The following HEPACAM2 variants were observed in gnomAD, a reference collection of about 807,000 sequenced individuals.
HEPACAM2 encodes the protein mitotic kinetics regulator.
HEPACAM2 carries 49 observed loss-of-function variants against 49.6 expected under a neutral mutation model. That is an observed-to-expected ratio of 0.99 (90% confidence interval 0.78 to 1.25). The LOEUF (loss-of-function observed/expected upper bound fraction) is 1.25, where lower values mean the gene tolerates loss of function less well. Ranked by LOEUF, HEPACAM2 falls within the 50% of genes most tolerant of loss-of-function variation. The pLI is 0.00. For missense variants in HEPACAM2, 525 were observed against 557.2 expected (o/e 0.94, Z 0.58); for synonymous variants, 197 against 202.9 (o/e 0.97, Z 0.25).
rs1480736630 is a variant in HEPACAM2, at chr7:93,197,278, C to T, written c.1164G>A (p.Arg388=). The T allele has an allele frequency of 5.0e-6, 8 of 1,610,324 alleles. No homozygotes were observed. In the African/African-American group the frequency reaches 9.4e-5, roughly 19 times the overall value. Residue 388 remains arginine (R), a splice_region_variant and synonymous_variant, in exon 7 of 10, where the codon AGG becomes AGA. Transcript: ENST00000394468. ...YKVIKQKLEG[R]PETEYRKAQT... ...GAGCTTTCCTGTATTCTGTTTCTGG[C>T]CTGAAAAGACAAAATAGGTATTTTT...
At chr7:93,206,674 C>T (rs1794037525) in intron 4 of HEPACAM2, among the ~76,000 whole-genome samples, 1 of 151,918 alleles carries the variant, frequency 6.6e-6, no homozygotes, top group African/African-American at 2.4e-5. Flanking sequence ...GTGTTAAGCA[C>T]ATTGTGTTAA....
chr7:93,220,320 G>A (rs1794423113), intron 1 of HEPACAM2, among the ~76,000 whole-genome samples: 1 of 152,182 alleles, frequency 6.6e-6, no homozygotes, highest in African/African-American at 2.4e-5. Flanking sequence ...TGACTGCAAT[G>A]TAATAGGCCA....
At position 93,197,402 on chromosome 7, in the gene HEPACAM2, A is replaced by C. The variant is rs745553716; in HGVS notation, c.1139-5T>G. 13 of 1,594,338 alleles carry C rather than the reference A, an allele frequency of 8.2e-6. No individual in the cohort carries two copies. Among genetic ancestry groups the C allele is most frequent in the Non-Finnish European group, 1.0e-5 (12 of 1,171,144 alleles). On this transcript the variant is annotated splice_polypyrimidine_tract_variant and splice_region_variant and intron_variant, in intron 5 of 9. Coordinates refer to ENST00000394468, the MANE Select transcript of HEPACAM2 (RefSeq NM_001039372.4). ...CTTCTAGTTTCTGTTTTATAACTAAAATCAAGAGAGAAGAAAAATGGTAAG... is the reference window on the plus strand; with the variant it reads ...CTTCTAGTTTCTGTTTTATAACTAACATCAAGAGAGAAGAAAAATGGTAAG...
intron 4 of HEPACAM2, among the ~76,000 whole-genome samples, chr7:93,208,268 A>G (rs1185341704): frequency 6.6e-6 from 1 of 152,048 alleles, no homozygotes; most frequent in East Asian, 1.9e-4. Flanking sequence ...CTAAATGAAC[A>G]GCCTGTTTCT....
intron 1 of HEPACAM2, chr7:93,225,952 C>A: frequency 7.5e-7 from 1 of 1,338,182 alleles, no homozygotes; most frequent in Non-Finnish European, 1.0e-6. Context: ...GCAACAATAT[C>A]TTTAATTAAA....
At chr7:93,198,701 G>T (rs1022609845) in intron 4 of HEPACAM2, among the ~76,000 whole-genome samples, 1 of 152,064 alleles carries the variant, frequency 6.6e-6, no homozygotes, top group Non-Finnish European at 1.5e-5. Flanking sequence ...AAAGTCATGT[G>T]ATGCCATTTC....
intron 1 of HEPACAM2, chr7:93,226,048 T>C (rs1222596061): frequency 5.2e-6 from 3 of 578,350 alleles, no homozygotes; most frequent in Non-Finnish European, 8.9e-6. Flanking sequence ...CTGAAATAAA[T>C]GCATTAAAGA....
chr7:93,222,374 G>GT (rs2116725830), intron 1 of HEPACAM2, among the ~76,000 whole-genome samples: 1 of 152,124 alleles, frequency 6.6e-6, no homozygotes, highest in South Asian at 2.1e-4. Flanking sequence ...ACCTTTCACT[G>GT]TATTAAGTGT....
At chr7:93,225,590 A>G (rs1204415481) in intron 1 of HEPACAM2, among the ~76,000 whole-genome samples, 1 of 152,194 alleles carries the variant, frequency 6.6e-6, no homozygotes, top group East Asian at 1.9e-4. Context: ...TCTGTTGAAT[A>G]TAAACAAAAC....
rs752121831 is a variant in HEPACAM2 at position 93,215,641 on chromosome 7, C to A, written c.475G>T (p.Ala159Ser). 2 of 1,613,506 alleles carry A rather than the reference C, an allele frequency of 1.2e-6. No homozygotes were observed. Among genetic ancestry groups the A allele is most frequent in the African/African-American group, 1.3e-5 (1 of 74,872 alleles). Residue 159 changes from alanine (A) to serine (S), a missense_variant, in exon 3 of 10, where the codon GCT becomes TCT. Coordinates refer to ENST00000394468, the MANE Select transcript of HEPACAM2 (RefSeq NM_001039372.4). Reference protein sequence around the residue: ...PVVQIHPPSGAVEYVGNMTLT... With the variant: ...PVVQIHPPSGSVEYVGNMTLT... ...GTCATGTTCCCCACATACTCCACAG[C>A]CCCAGAGGGAGGATGAATCTGCACC... is the stretch of plus-strand genomic sequence containing the variant.
chr7:93,227,676 G>A (rs1382893155), upstream of HEPACAM2, among the ~76,000 whole-genome samples: 2 of 152,102 alleles, frequency 1.3e-5, no homozygotes, highest in Non-Finnish European at 2.9e-5. Flanking sequence ...AATGGCAAGA[G>A]CTCCTCATGC....
chr7:93,201,366 A>G (rs1178318812), intron 4 of HEPACAM2, among the ~76,000 whole-genome samples: 1 of 151,992 alleles, frequency 6.6e-6, no homozygotes, highest in Non-Finnish European at 1.5e-5. Flanking sequence ...TATTTTTTCT[A>G]TATTTCCTAC....
intron 8 of HEPACAM2, among the ~76,000 whole-genome samples, chr7:93,192,876 T>C (rs1272602746): frequency 6.6e-6 from 1 of 152,048 alleles, no homozygotes; most frequent in African/African-American, 2.4e-5. Flanking sequence ...AATGTTTTGG[T>C]TTAAATGTAG....
chr7:93,192,609 T>G (rs558994112), intron 8 of HEPACAM2, among the ~76,000 whole-genome samples: 1 of 152,066 alleles, frequency 6.6e-6, no homozygotes, highest in Non-Finnish European at 1.5e-5. Context: ...TTTTTCTTCA[T>G]TTAAGAAGAA....
chr7:93,212,006 G>A (rs1794189477), intron 3 of HEPACAM2, among the ~76,000 whole-genome samples: 1 of 151,940 alleles, frequency 6.6e-6, no homozygotes, highest in South Asian at 2.1e-4. Context: ...TGCTGACATT[G>A]CTCAAAACTT....
chr7:93,208,718 T>C lies in HEPACAM2; in HGVS notation c.874A>G (p.Ile292Val), dbSNP rs559213567. 19 of 1,613,220 alleles carry C rather than the reference T, an allele frequency of 1.2e-5. 1 individual carries two copies. The highest frequency in any genetic ancestry group is 1.1e-4 in the African/African-American group (8 of 74,980). Residue 292 changes from isoleucine (I) to valine (V), a missense_variant, in exon 4 of 10, where the codon ATC becomes GTC. Coordinates refer to ENST00000394468, the MANE Select transcript of HEPACAM2 (RefSeq NM_001039372.4). Reference protein sequence around the residue: ...WIRRTDNTTYIIKHGPRLEVA... With the variant: ...WIRRTDNTTYVIKHGPRLEVA... ...TCTAAGCGAGGCCCATGCTTAATGA[T>C]ATATGTAGTATTGTCAGTCCTCCTA...
intron 4 of HEPACAM2, among the ~76,000 whole-genome samples, chr7:93,201,055 A>AG (rs1015664758): frequency 1.3e-5 from 2 of 152,150 alleles, no homozygotes; most frequent in African/African-American, 4.8e-5. Context: ...CCATGTAGGT[A>AG]GGGGGAGAAA....
At chr7:93,190,655 G>A (rs1584323160) in intron 9 of HEPACAM2, among the ~76,000 whole-genome samples, 1 of 151,950 alleles carries the variant, frequency 6.6e-6, no homozygotes, top group South Asian at 2.1e-4. Context: ...GCCTGAAAAA[G>A]AACATTTCTG....
chr7:93,197,070 A>C (rs1562821683), intron 7 of HEPACAM2, among the ~76,000 whole-genome samples, 171 bp downstream of exon 7: 1 of 152,114 alleles, frequency 6.6e-6, no homozygotes, highest in Non-Finnish European at 1.5e-5. Flanking sequence ...ATATAAAACC[A>C]ATACAGAAGA....
Sources: allele counts gnomAD v4.1 joint callset (sites outside exome capture counted in the v4.1 genomes callset), GRCh38; gene constraint gnomAD v4.1.1; transcripts MANE v1.5; gene names NCBI Gene and HGNC (gene_info 2026-07-23, HGNC 2026-07-21).